PRR5L: variants seen among roughly 807,000 people sequenced by gnomAD.
The protein encoded by PRR5L is proline rich 5 like, also known as proline-rich protein 5-like.
PRR5L carries 21 observed loss-of-function variants against 36.4 expected under a neutral mutation model. That is an observed-to-expected ratio of 0.58 (90% CI 0.41 to 0.83). The LOEUF (loss-of-function observed/expected upper bound fraction) is 0.83, where lower values mean the gene tolerates loss of function less well. PRR5L is among the 40% of genes least tolerant of loss of function. The pLI is 0.00. For synonymous variants in PRR5L, 188 were observed against 197.0 expected (o/e 0.95, Z 0.38); for missense variants, 381 against 473.3 (o/e 0.80, Z 1.81).
At chr11:36,361,858 G>A (rs1054437026) in intron 1 of PRR5L, among the ~76,000 whole-genome samples, 2 of 152,070 alleles carry the variant, frequency 1.3e-5, no homozygotes, top group Admixed American at 6.6e-5. Context: ...TGGAATGGCT[G>A]TTAAAGAGAG....
intron 1 of PRR5L, among the ~76,000 whole-genome samples, chr11:36,356,006 GGCTCAAATGATCCTCCAGCCTCA>G: frequency 6.6e-6 from 1 of 151,908 alleles, no homozygotes; most frequent in South Asian, 2.1e-4. Flanking sequence ...TGACCTCCCA[GGCTCAAATGATCCTCCAGCCTCA>G]GCCCTTCAAG....
chr11:36,350,946 A>ATT lies in PRR5L; in HGVS notation c.-125-50050_-125-50049insTT, dbSNP rs67440063. On this transcript the variant is annotated intron_variant, in intron 1 of 8. Coordinates refer to ENST00000530639, the MANE Select transcript of PRR5L (RefSeq NM_001160167.2). ...TATATATATTTATATATTTATATAT[A>ATT]TATATTTATATATATTTATATATTT... 3.5e-3 allele frequency among the ~76,000 whole-genome samples: 13 copies of ATT among 3,684 alleles called. 1 individual carries two copies. The East Asian group carries it at 0.079, about 22-fold the overall frequency. The allele number at this position is 3,684 out of a possible 152,430, so 2.4% of individuals were successfully genotyped here.
At chr11:36,418,800 A>T (rs377305610) in intron 3 of PRR5L, among the ~76,000 whole-genome samples, 4 of 152,210 alleles carry the variant, frequency 2.6e-5, no homozygotes, top group Admixed American at 6.5e-5. Flanking sequence ...TGTCTCAAAA[A>T]AATAATAATA....
chr11:36,351,532 TATAAATA>T, intron 1 of PRR5L, among the ~76,000 whole-genome samples: 3 of 15,030 alleles, frequency 2.0e-4, no homozygotes, highest in African/African-American at 1.2e-3. Flanking sequence ...TATATATTTA[TATAAATA>T]TATATTTATA....
rs1414989681 is a variant in PRR5L, at chr11:36,458,056, A to C, written c.713-4286A>C. On this transcript the variant is annotated intron_variant, in intron 8 of 8. Transcript: ENST00000530639. The stretch of plus-strand genomic sequence containing the variant: ...CATTATAGAAATGTGTAACTTGGAG[A>C]GTACGAGCATCCATGCTTCAGAAAG... 2.0e-5 allele frequency among the ~76,000 whole-genome samples: 3 copies of C among 152,224 alleles called. No individual in the cohort carries two copies. In the East Asian group the frequency reaches 5.8e-4, roughly 29 times the overall value.
At chr11:36,455,680 G>A (rs776530201) in intron 8 of PRR5L, among the ~76,000 whole-genome samples, 10 of 152,172 alleles carry the variant, frequency 6.6e-5, no homozygotes, top group South Asian at 2.1e-4. Context: ...CTGCCTTCCC[G>A]GGAGCAGAGA....
intron 1 of PRR5L, among the ~76,000 whole-genome samples, chr11:36,361,248 G>A (rs1857084690): frequency 6.6e-6 from 1 of 152,164 alleles, no homozygotes; most frequent in Non-Finnish European, 1.5e-5. Flanking sequence ...TAAGTGCACA[G>A]CAGATACGAG....
At chr11:36,367,717 C>A (rs1832996951) in intron 1 of PRR5L, among the ~76,000 whole-genome samples, 1 of 149,218 alleles carries the variant, frequency 6.7e-6, no homozygotes, top group South Asian at 2.2e-4. Flanking sequence ...AGCCAGGCTT[C>A]ATGGGAGCCG....
At chr11:36,412,580 C>G (rs927989306) in intron 3 of PRR5L, among the ~76,000 whole-genome samples, 3 of 152,192 alleles carry the variant, frequency 2.0e-5, no homozygotes, top group Non-Finnish European at 2.9e-5. Flanking sequence ...TTCCCTGCAT[C>G]TAGGGAACCA....
chr11:36,394,087 CA>C (rs1275099653), intron 1 of PRR5L: 1 of 152,214 alleles, frequency 6.6e-6, no homozygotes, highest in East Asian at 1.9e-4. Flanking sequence ...CGGGCTAATA[CA>C]GGGGTAGTAC....
chr11:36,311,147 G>A (rs1453998326), intron 1 of PRR5L, among the ~76,000 whole-genome samples: 42 of 152,120 alleles, frequency 2.8e-4, no homozygotes, highest in Admixed American at 2.8e-3. Context: ...TTGAGTTTAG[G>A]GAAGGAAAGG....
intron 1 of PRR5L, among the ~76,000 whole-genome samples, chr11:36,336,802 T>TGC (rs1856773381): frequency 1.3e-5 from 2 of 152,146 alleles, no homozygotes; most frequent in Admixed American, 6.5e-5. Flanking sequence ...CTATGTACCA[T>TGC]AGTTTTCTAA....
intron 1 of PRR5L, among the ~76,000 whole-genome samples, chr11:36,400,673 G>A (rs536339661): frequency 2.0e-5 from 3 of 152,238 alleles, no homozygotes; most frequent in South Asian, 4.1e-4. Context: ...GCACAACATC[G>A]TGGGCCACAG....
chr11:36,386,701 T>C (rs1857462422), intron 1 of PRR5L: 3 of 152,286 alleles, frequency 2.0e-5, no homozygotes, highest in Non-Finnish European at 4.4e-5. Flanking sequence ...TGCCTCTTGG[T>C]TCCTCTTCCT....
intron 1 of PRR5L, among the ~76,000 whole-genome samples, chr11:36,348,245 T>C (rs1372416020): frequency 6.6e-6 from 1 of 152,200 alleles, no homozygotes; most frequent in Non-Finnish European, 1.5e-5. Context: ...ATAGCTTGGC[T>C]GCATGGCTTT....
In PRR5L at chr11:36,351,174, CATT is replaced by C. The variant is rs1565406943; in HGVS notation, c.-125-49820_-125-49818del. Among the ~76,000 whole-genome samples, 18 of 23,216 alleles carry C rather than the reference CATT, an allele frequency of 7.8e-4. 1 individual carries two copies. In the South Asian group the frequency reaches 0.015, roughly 19 times the overall value. The allele number at this position is 23,216 out of a possible 152,430, so 15.2% of individuals were successfully genotyped here. On this transcript the variant is annotated intron_variant, in intron 1 of 8. Coordinates refer to ENST00000530639, the MANE Select transcript of PRR5L (RefSeq NM_001160167.2). ...TAAATATATATAATTTATATATAAT[CATT>C]ATATTAATATTATTAATATATTAAT...
At chr11:36,427,533 C>G (rs1198068648) in intron 4 of PRR5L, among the ~76,000 whole-genome samples, 1 of 152,106 alleles carries the variant, frequency 6.6e-6, no homozygotes, top group Non-Finnish European at 1.5e-5. Flanking sequence ...AGGCATTGGT[C>G]AGGGGATGGG....
chr11:36,365,252 C>CT (rs138695355), intron 1 of PRR5L, among the ~76,000 whole-genome samples: 4,669 of 149,214 alleles, frequency 0.031, 220 homozygotes, highest in African/African-American at 0.11. Context: ...TGAAGCAGGG[C>CT]TTTTTTTTTT....
intron 1 of PRR5L, among the ~76,000 whole-genome samples, chr11:36,390,553 C>T (rs1179304957): frequency 6.6e-6 from 1 of 152,166 alleles, no homozygotes; most frequent in South Asian, 2.1e-4. Flanking sequence ...CTCTGTACCT[C>T]CATTTGCCTT....
Sources: gnomAD v4.1 joint callset for allele counts (sites outside exome capture counted in the v4.1 genomes callset) on GRCh38, gnomAD v4.1.1 for gene constraint, MANE v1.5 for transcripts, NCBI Gene and HGNC (gene_info 2026-07-23, HGNC 2026-07-21) for gene names.